PLA2G4E: variants seen among roughly 807,000 people sequenced by gnomAD.
The protein encoded by PLA2G4E is phospholipase A2 group IVE.
PLA2G4E carries 84 observed loss-of-function variants against 109.1 expected under a neutral mutation model. That is an observed-to-expected ratio of 0.77 (90% CI 0.65 to 0.92). The LOEUF (loss-of-function observed/expected upper bound fraction) is 0.92. Among genes scored for constraint, PLA2G4E ranks in the 40% least tolerant of loss-of-function variants. The pLI is 0.00. For missense variants in PLA2G4E, 1,057 were observed against 1,076.6 expected, an observed-to-expected ratio of 0.98 and a Z score of 0.25; for synonymous variants, 469 against 436.1, an observed-to-expected ratio of 1.08 and a Z score of -0.94.
intron 1 of PLA2G4E, among the ~76,000 whole-genome samples, chr15:42,019,863 T>C (rs1595571800): frequency 6.6e-6 from 1 of 152,212 alleles, no homozygotes; most frequent in Non-Finnish European, 1.5e-5. Context: ...ATGCAGCTCA[T>C]GGAGAGGCTC....
intron 3 of PLA2G4E, 175 bp from the exon 4 acceptor site, chr15:42,006,296 A>G: frequency 1.4e-6 from 1 of 701,268 alleles, no homozygotes; most frequent in Non-Finnish European, 2.2e-6. Context: ...AAGGAAGGCA[A>G]GTGTCTATTC....
intron 16 of PLA2G4E, among the ~76,000 whole-genome samples, chr15:41,987,589 G>T (rs2068163764): frequency 6.6e-6 from 1 of 152,108 alleles, no homozygotes; most frequent in African/African-American, 2.4e-5. Context: ...GAGGGAGGGG[G>T]AGCGAGACAG....
chr15:42,029,987 C>T (rs1889085359), intron 1 of PLA2G4E, among the ~76,000 whole-genome samples: 2 of 152,124 alleles, frequency 1.3e-5, no homozygotes, highest in Admixed American at 1.3e-4. Context: ...GCTCAGAGAG[C>T]TTGGCCACTC....
chr15:42,010,006 G>A (rs531439661), intron 2 of PLA2G4E: 12 of 407,132 alleles, frequency 2.9e-5, no homozygotes, highest in African/African-American at 2.1e-4. Context: ...ACAGGATACA[G>A]GTACAGATAC....
Position 41,997,258 on chromosome 15 carries a change from G to C in PLA2G4E, c.976C>G (p.Pro326Ala), listed in dbSNP as rs79040960. ...CCCAGCCGCACGTCCAGTGTCTCAG[G>C]GCTGGAGGGAGAGAGGACCCTGTAT... The change falls in exon 11 of 20, where the codon CCT becomes GCT. Residue 326 changes from proline (P) to alanine (A), a missense_variant and splice_region_variant. Transcript: ENST00000399518. The C allele has an allele frequency of 4.1e-3, 6,318 of 1,543,762 alleles. 246 individuals carry two copies. The African/African-American group carries it at 0.078, about 19-fold the overall frequency.
At position 41,985,787 on chromosome 15, in the gene PLA2G4E, C is replaced by G. The variant is rs999825280; in HGVS notation, c.2202+52G>C. The G allele has an allele frequency of 2.6e-6, 4 of 1,560,026 alleles. No individual in the cohort carries two copies. In the African/African-American group the frequency reaches 5.4e-5, roughly 21 times the overall value. ...CGAGTGAGGCCACTGACTGCGGGGC[C>G]CATCTTAGGAGAGGCTGCAGCCCAT... On this transcript the variant is annotated intron_variant, in intron 18 of 19. Transcript: ENST00000399518.
intron 5 of PLA2G4E, among the ~76,000 whole-genome samples, chr15:42,003,734 C>T (rs947349868): frequency 3.9e-5 from 6 of 152,256 alleles, no homozygotes; most frequent in Admixed American, 1.3e-4. Context: ...TCCCACCTGT[C>T]ATCCTCCTTC....
At chr15:42,025,497 C>T (rs1749091493) in intron 1 of PLA2G4E, among the ~76,000 whole-genome samples, 1 of 152,100 alleles carries the variant, frequency 6.6e-6, no homozygotes, top group Non-Finnish European at 1.5e-5. Flanking sequence ...TCCCCCCACC[C>T]CCCACTGGAG....
chr15:42,005,495 C>T (rs193004971), intron 4 of PLA2G4E, among the ~76,000 whole-genome samples: 4 of 151,272 alleles, frequency 2.6e-5, no homozygotes, highest in Non-Finnish European at 4.4e-5. Context: ...AGAACGGTGC[C>T]GGCCCCTCAC....
At chr15:41,986,883 A>G (rs1176418165) in intron 17 of PLA2G4E, 1 of 440,414 alleles carries the variant, frequency 2.3e-6, no homozygotes, top group African/African-American at 2.0e-5. Flanking sequence ...CTGTTTCCCC[A>G]TCTGTAACAT....
intron 1 of PLA2G4E, among the ~76,000 whole-genome samples, chr15:42,037,273 G>A (rs1467143386): frequency 6.6e-6 from 1 of 152,224 alleles, no homozygotes; most frequent in Non-Finnish European, 1.5e-5. Flanking sequence ...GGGAACTTGT[G>A]GTACCTTTTC....
At chr15:41,990,272 C>T (rs1264213425) in intron 13 of PLA2G4E, 37 bp from the exon 14 acceptor site, 2 of 1,581,000 alleles carry the variant, frequency 1.3e-6, no homozygotes, top group South Asian at 1.1e-5. Context: ...GAAGCAGCAG[C>T]CCAGAGGGTG....
chr15:42,010,142 C>CCCCCCCCCCCG lies in PLA2G4E; in HGVS notation c.257-2278_257-2277insCGGGGGGGGGG, dbSNP rs139522193. On this transcript the variant is annotated intron_variant, in intron 2 of 19. Transcript: ENST00000399518. ...TTTTCCAGAACACTGGCCCCCCCAC[C>CCCCCCCCCCCG]CCGGGCCTGGACCACACCCTTCAGG... 7 of 459,770 alleles carry CCCCCCCCCCCG rather than the reference C, an allele frequency of 1.5e-5. 1 individual carries two copies. Among genetic ancestry groups the CCCCCCCCCCCG allele is most frequent in the South Asian group, 3.8e-5 (2 of 52,860 alleles). The allele number at this position is 459,770 out of a possible 1,614,324, so 28.5% of individuals were successfully genotyped here. A position where few individuals can be genotyped will look rare whatever the true frequency, so the allele number is the denominator to read the frequency against.
chr15:41,997,263 G>A lies in PLA2G4E; in HGVS notation c.975-4C>T. ...CCGCACGTCCAGTGTCTCAGGGCTG[G>A]AGGGAGAGAGGACCCTGTATTGGGC... On this transcript the variant is annotated splice_polypyrimidine_tract_variant and splice_region_variant and intron_variant, in intron 10 of 19. Transcript: ENST00000399518. 8 of 1,541,590 alleles carry A rather than the reference G, an allele frequency of 5.2e-6. No homozygotes were observed. The highest frequency in any genetic ancestry group is 7.0e-6 in the Non-Finnish European group (8 of 1,141,128).
At chr15:42,046,450 A>C (rs1199362272) in intron 1 of PLA2G4E, among the ~76,000 whole-genome samples, 2 of 152,170 alleles carry the variant, frequency 1.3e-5, no homozygotes, top group African/African-American at 4.8e-5. Flanking sequence ...TGTCCACCTC[A>C]GGGCCTTTGC....
intron 17 of PLA2G4E, 133 bp downstream of exon 17, chr15:41,987,039 T>C (rs2068152429): frequency 5.6e-6 from 5 of 895,940 alleles, no homozygotes; most frequent in Non-Finnish European, 8.5e-6. Context: ...GAAAACACCA[T>C]GGGGAGAGAG....
intron 1 of PLA2G4E, among the ~76,000 whole-genome samples, 35 bp downstream of exon 1, chr15:42,020,900 C>T (rs1055573316): frequency 6.6e-6 from 1 of 152,022 alleles, no homozygotes; most frequent in Non-Finnish European, 1.5e-5. Context: ...TGGCCCTCAG[C>T]CTCTGGCCCC....
At position 42,046,716 on chromosome 15, in the gene PLA2G4E, G is replaced by A. The variant is rs559017392; in HGVS notation, c.183+3805C>T. ...TCTCCCACTCCTAGAACAATACTAG[G>A]TGCATAGTGGGAGCTCAGTAAATAT... On this transcript the variant is annotated intron_variant, in intron 1 of 19. Coordinates refer to ENST00000399518, the Ensembl canonical transcript of PLA2G4E. Among the ~76,000 whole-genome samples the A allele has an allele frequency of 7.2e-5, 11 of 152,308 alleles. No homozygotes were observed. In the East Asian group the frequency reaches 1.9e-3, roughly 27 times the overall value.
intron 1 of PLA2G4E, among the ~76,000 whole-genome samples, chr15:42,017,247 A>ATATC (rs1566845694): frequency 6.6e-6 from 1 of 152,108 alleles, no homozygotes; most frequent in Non-Finnish European, 1.5e-5. Context: ...GCCTCCTTCA[A>ATATC]TATCTACTCT....
Sources: allele counts gnomAD v4.1 joint callset (sites outside exome capture counted in the v4.1 genomes callset), GRCh38; gene constraint gnomAD v4.1.1; transcripts MANE v1.5; gene names NCBI Gene and HGNC (gene_info 2026-07-23, HGNC 2026-07-21).